Variants in PRICKLE4 observed in about 807,000 individuals in gnomAD.
PRICKLE4 encodes the protein prickle planar cell polarity protein 4, also known as prickle-like protein 4.
Under a neutral mutation model 43.5 loss-of-function variants are expected in PRICKLE4, and 40 were observed. The ratio of observed to expected loss-of-function variants is 0.92; its 90% CI spans 0.71 to 1.20. The LOEUF is 1.20. Among genes scored for constraint, PRICKLE4 ranks in the 50% most tolerant of loss-of-function variants. The pLI, the probability that PRICKLE4 is intolerant of heterozygous loss-of-function variation, is 0.00. For missense variants in PRICKLE4, 527 were observed against 491.2 expected (o/e 1.07, Z -0.69); for synonymous variants, 208 against 197.4 (o/e 1.05, Z -0.45).
At position 41,786,915 on chromosome 6, in the gene PRICKLE4, G is replaced by A; in HGVS notation, c.941G>A (p.Gly314Glu). The change falls in exon 8 of 8, where the codon GGG (glycine) becomes GAG (glutamate). Residue 314 changes from glycine (G) to glutamate (E), a missense_variant. Gly to Glu is a moderately conservative substitution (Grantham distance 98, BLOSUM62 -2). Coordinates refer to ENST00000458694, the MANE Select transcript of PRICKLE4 (RefSeq NM_013397.6). ...AGTCCCCAGCAGGAGAACCGACCTG[G>A]GGACAAAGCGGAGGCACCCAAAGGG... is the stretch of plus-strand genomic sequence containing the variant. The part of the protein sequence containing the change: ...GSSPQQENRP[G>E]DKAEAPKGQE... 2 of 1,613,452 alleles carry A rather than the reference G, an allele frequency of 1.2e-6. No homozygotes were observed. Among genetic ancestry groups the A allele is most frequent in the African/African-American group, 1.3e-5 (1 of 75,022 alleles).
rs191302460 is a variant in PRICKLE4, at chr6:41,783,378, A to G, written c.-12-84A>G. 3.0e-4 allele frequency: 397 copies of G among 1,331,780 alleles called. No homozygotes were observed. In the African/African-American group the frequency reaches 5.2e-3, roughly 17 times the overall value. The allele number at this position is 1,331,780 out of a possible 1,614,324, so 82.5% of individuals were successfully genotyped here. On this transcript the variant is annotated intron_variant, in intron 2 of 7. Coordinates refer to ENST00000458694, the MANE Select transcript of PRICKLE4 (RefSeq NM_013397.6). Reference sequence around the variant, plus strand: ...GTTTGGGTGTTGGGAGGACTGAGGGAAATAATATCTATAAAGCACTTAACA... The same window carrying G: ...GTTTGGGTGTTGGGAGGACTGAGGGGAATAATATCTATAAAGCACTTAACA...
rs142658210 is a variant in PRICKLE4 at position 41,785,032 on chromosome 6, G to A, written c.338G>A (p.Arg113His). ...GAAGCCCTGGGACAGGGGGTAGCCC[G>A]CCTGGTACTTCCCAAGCTTGAAGGA... ...KQEALGQGVA[R>H]LVLPKLEGHT... Residue 113 changes from arginine to histidine, a missense_variant, in exon 5 of 8, where the codon CGC (arginine) becomes CAC (histidine). Coordinates refer to ENST00000458694, the MANE Select transcript of PRICKLE4 (RefSeq NM_013397.6). The A allele has an allele frequency of 1.8e-4, 283 of 1,613,262 alleles. No individual in the cohort carries two copies. The African/African-American group carries it at 3.2e-3, about 18-fold the overall frequency.
At position 41,783,459 on chromosome 6, in the gene PRICKLE4, T is replaced by A; in HGVS notation, c.-12-3T>A. 1 of 1,480,738 alleles carries A rather than the reference T, an allele frequency of 6.8e-7. No homozygotes were observed. The highest frequency in any genetic ancestry group is 1.4e-5 in the African/African-American group (1 of 70,426). 91.7% of individuals were successfully genotyped at this position (1,480,738 alleles called of 1,614,324 possible). ...TGGAGGTGTTCTTATTGTTTTGGGG[T>A]AGGCTTTGCCACAAATGTCAGTGCA... On this transcript the variant is annotated splice_region_variant and splice_polypyrimidine_tract_variant and intron_variant, in intron 2 of 7. Coordinates refer to ENST00000458694, the MANE Select transcript of PRICKLE4 (RefSeq NM_013397.6).
intron 2 of PRICKLE4, among the ~76,000 whole-genome samples, chr6:41,782,246 A>G (rs1041500357): frequency 6.6e-6 from 1 of 151,044 alleles, no homozygotes; most frequent in African/African-American, 2.4e-5. Context: ...TTATTTTTGT[A>G]TTTGTAGTAG....
At chr6:41,784,748 T>G in intron 4 of PRICKLE4, 187 bp from the exon 5 acceptor site, 1 of 682,740 alleles carries the variant, frequency 1.5e-6, no homozygotes, top group Non-Finnish European at 2.4e-6. Flanking sequence ...TGGGGCAGGG[T>G]GAGACTGAGG....
Position 41,784,935 on chromosome 6 carries a change from G to T in PRICKLE4, c.241G>T (p.Glu81Ter), listed in dbSNP as rs1346422442. 8.7e-6 allele frequency: 14 copies of T among 1,613,738 alleles called. No individual in the cohort carries two copies. Among genetic ancestry groups the T allele is most frequent in the African/African-American group, 1.3e-5 (1 of 74,908 alleles). The change falls in exon 5 of 8, where the codon GAG becomes TAG. Residue 81 changes from glutamate to a stop codon, truncating the protein, a stop_gained and splice_region_variant. Coordinates refer to ENST00000458694, the MANE Select transcript of PRICKLE4 (RefSeq NM_013397.6). LOFTEE classifies it high-confidence loss of function. Reference protein sequence around the residue: ...LQQLPPQDIDERYCLALGEEE... With the variant: ...LQQLPPQDID ...TAATTGTAGAGGACTGTTTCTGCAG[G>T]AGCGCTACTGCCTGGCCCTTGGGGA...
chr6:41,787,282 T>A lies in PRICKLE4; in HGVS notation c.*153T>A. The A allele has an allele frequency of 1.8e-6, 2 of 1,089,890 alleles. No individual in the cohort carries two copies. The highest frequency in any genetic ancestry group is 2.5e-6 in the Non-Finnish European group (2 of 785,498). 67.5% of individuals were successfully genotyped at this position (1,089,890 alleles called of 1,614,324 possible). A position where few individuals can be genotyped will look rare whatever the true frequency, so the allele number is the denominator to read the frequency against. On this transcript the variant is annotated 3_prime_UTR_variant, in exon 8 of 8. Transcript: ENST00000458694. The stretch of plus-strand genomic sequence containing the variant: ...GGTGACAAGTTTGGAGTGCGCCCCC[T>A]TCAGTACTGCGCGTTCTAAGACTTT...
chr6:41,786,212 C>T lies in PRICKLE4; in HGVS notation c.667C>T (p.Leu223=). 2.5e-6 allele frequency: 4 copies of T among 1,608,660 alleles called. No individual in the cohort carries two copies. Among genetic ancestry groups the T allele is most frequent in the Non-Finnish European group, 3.4e-6 (4 of 1,176,092 alleles). The change falls in exon 7 of 8, where the codon CTG becomes TTG. Residue 223 remains leucine (L), a synonymous_variant. Transcript: ENST00000458694. Reference sequence around the variant, plus strand: ...CTGTTGCCAGGACTGCGCCGGGCCTCTGGGCGGGGGACGTTATGCCCTGCC... The same window carrying T: ...CTGTTGCCAGGACTGCGCCGGGCCTTTGGGCGGGGGACGTTATGCCCTGCC... ...HFCCQDCAGP[L]GGGRYALPGG... is the part of the protein sequence containing the mutation.
At chr6:41,782,228 C>G (rs1262248762) in intron 2 of PRICKLE4, among the ~76,000 whole-genome samples, 1 of 151,680 alleles carries the variant, frequency 6.6e-6, no homozygotes, top group Non-Finnish European at 1.5e-5. Context: ...CACATTACCA[C>G]GCCCAGCTTA....
At chr6:41,783,155 C>T (rs535571866) in intron 2 of PRICKLE4, among the ~76,000 whole-genome samples, 1 of 152,190 alleles carries the variant, frequency 6.6e-6, no homozygotes, top group Non-Finnish European at 1.5e-5. Context: ...AGTGCCCTCT[C>T]CTTCTACCAT....
intron 2 of PRICKLE4, among the ~76,000 whole-genome samples, chr6:41,782,303 C>G (rs894628487): frequency 6.6e-6 from 1 of 151,664 alleles, no homozygotes; most frequent in African/African-American, 2.4e-5. Flanking sequence ...AACCACTGAC[C>G]TCAGGTGATC....
At chr6:41,782,039 G>T (rs900768713) in intron 2 of PRICKLE4, among the ~76,000 whole-genome samples, 2 of 150,354 alleles carry the variant, frequency 1.3e-5, no homozygotes, top group Non-Finnish European at 3.0e-5. Context: ...TGAGGGCGGG[G>T]CTCATCTCTT....
intron 2 of PRICKLE4, 38 bp from the exon 3 acceptor site, chr6:41,783,424 G>T: frequency 1.4e-6 from 2 of 1,444,334 alleles, no homozygotes; most frequent in Non-Finnish European, 1.9e-6. Context: ...CATTGTAACG[G>T]CCTAATACAT....
At chr6:41,783,802 T>C (rs1356627909) in intron 3 of PRICKLE4, 197 bp downstream of exon 3, 2 of 818,014 alleles carry the variant, frequency 2.4e-6, no homozygotes, top group Non-Finnish European at 4.2e-6. Context: ...TGAGTATTCA[T>C]TATCTCTCCT....
At position 41,783,594 on chromosome 6, in the gene PRICKLE4, A is replaced by G; in HGVS notation, c.121A>G (p.Thr41Ala). The change falls in exon 3 of 8, where the codon ACC becomes GCC. Residue 41 changes from threonine (T) to alanine (A), a missense_variant. Coordinates refer to ENST00000458694, the MANE Select transcript of PRICKLE4 (RefSeq NM_013397.6). ...CCTGCCGGGGGAGGACCCTGAGGAT[A>G]CCCATGCTCAGGTAGTAGAGTCGTG... is the stretch of plus-strand genomic sequence containing the variant. ...GHLPGEDPED[T>A]HAQGPAVLSL... 1.2e-6 allele frequency: 2 copies of G among 1,613,320 alleles called. No individual in the cohort carries two copies. The highest frequency in any genetic ancestry group is 4.5e-5 in the East Asian group (2 of 44,834).
chr6:41,786,151 C>A lies in PRICKLE4; in HGVS notation c.606C>A (p.Thr202=), dbSNP rs986895658. The change falls in exon 7 of 8, where the codon ACC becomes ACA. Residue 202 remains threonine, a synonymous_variant. Coordinates refer to ENST00000458694, the MANE Select transcript of PRICKLE4 (RefSeq NM_013397.6). Reference sequence around the variant, plus strand: ...AGCTGATCTTCTCCTGGCGCTGCACCGAGGCGGAGGGACAGCGCTGGCATG... The same window carrying A: ...AGCTGATCTTCTCCTGGCGCTGCACAGAGGCGGAGGGACAGCGCTGGCATG... The part of the protein sequence containing the change: ...CDQLIFSWRC[T]EAEGQRWHEN... 1 of 1,613,784 alleles carries A rather than the reference C, an allele frequency of 6.2e-7. No homozygotes were observed. The highest frequency in any genetic ancestry group is 1.3e-5 in the African/African-American group (1 of 75,052).
At position 41,787,152 on chromosome 6, in the gene PRICKLE4, G is replaced by C; in HGVS notation, c.*23G>C. ...TAGTGGCGCAGCTCAGAGAGGGGAT[G>C]TGAGTGGGAGGAAAGGGGTCTGTAA... On this transcript the variant is annotated 3_prime_UTR_variant, in exon 8 of 8. Transcript: ENST00000458694. The C allele has an allele frequency of 6.3e-7, 1 of 1,576,068 alleles. No individual in the cohort carries two copies. The highest frequency in any genetic ancestry group is 8.6e-7 in the Non-Finnish European group (1 of 1,165,884).
intron 5 of PRICKLE4, 128 bp downstream of exon 5, chr6:41,785,200 G>A (rs1772620530): frequency 5.2e-6 from 8 of 1,527,018 alleles, no homozygotes; most frequent in Non-Finnish European, 7.2e-6. Flanking sequence ...AAGTTTGCAA[G>A]CTCTTGGTAT....
Position 41,785,394 on chromosome 6 carries a change from C to T in PRICKLE4, c.436C>T (p.Gln146Ter). The change falls in exon 6 of 8, where the codon CAG becomes TAG. Residue 146 changes from glutamine to a stop codon, truncating the protein, a stop_gained. Transcript: ENST00000458694. LOFTEE classifies it high-confidence loss of function. The part of the protein sequence containing the change: ...YGVFAARAGE[Q>*]RCWHQPCFAC... ...AGTGTTTGCAGCCCGGGCAGGGGAA[C>T]AGCGCTGCTGGCACCAGCCTTGCTT... 6.2e-7 allele frequency: 1 copy of T among 1,614,052 alleles called. No homozygotes were observed. Among genetic ancestry groups the T allele is most frequent in the Non-Finnish European group, 8.5e-7 (1 of 1,180,016 alleles).
Sources: gnomAD v4.1 joint callset for allele counts (sites outside exome capture counted in the v4.1 genomes callset) on GRCh38, gnomAD v4.1.1 for gene constraint, MANE v1.5 for transcripts, NCBI Gene and HGNC (gene_info 2026-07-23, HGNC 2026-07-21) for gene names.